The following TOR1AIP1 variants were observed in gnomAD, a reference collection of about 807,000 sequenced individuals.
The protein encoded by TOR1AIP1 is torsin-1A-interacting protein 1.
TOR1AIP1 carries 54 observed loss-of-function variants against 63.3 expected under a neutral mutation model. The ratio of observed to expected loss-of-function variants is 0.85; its 90% CI spans 0.69 to 1.07. The LOEUF (loss-of-function observed/expected upper bound fraction) is 1.07. Ranked by LOEUF, TOR1AIP1 falls within the 50% of genes least tolerant of loss-of-function variation. The probability of loss-of-function intolerance (pLI) is 0.00; values close to 1 mark genes in which losing one functional copy is unlikely to be tolerated. For synonymous variants in TOR1AIP1, 294 were observed against 273.5 expected (o/e 1.07, Z -0.74); for missense variants, 736 against 715.0 (o/e 1.03, Z -0.33).
At position 179,918,251 on chromosome 1, in the gene TOR1AIP1, G is replaced by C; in HGVS notation, c.*12G>C. On this transcript the variant is annotated 3_prime_UTR_variant, in exon 10 of 10. Transcript: ENST00000606911. Reference sequence around the variant, plus strand: ...GCATCTGCTTATAAGAAGTGAGAGAGAAGAAAAATCATGTCCCAAGTTCTG... The same window carrying C: ...GCATCTGCTTATAAGAAGTGAGAGACAAGAAAAATCATGTCCCAAGTTCTG... 1 of 1,562,372 alleles carries C rather than the reference G, an allele frequency of 6.4e-7. No individual in the cohort carries two copies. Among genetic ancestry groups the C allele is most frequent in the Non-Finnish European group, 8.6e-7 (1 of 1,164,760 alleles).
chr1:179,902,019 CTTT>C (rs767712125), intron 5 of TOR1AIP1, among the ~76,000 whole-genome samples: 5 of 98,780 alleles, frequency 5.1e-5, no homozygotes, highest in Non-Finnish European at 6.0e-5. Flanking sequence ...AATTCCAATT[CTTT>C]TTTTTTTTTT....
intron 8 of TOR1AIP1, among the ~76,000 whole-genome samples, chr1:179,911,975 CTTTTTTTCTTTT>C (rs774996586): frequency 0.13 from 17,976 of 140,872 alleles, 1,163 homozygotes; most frequent in Middle Eastern, 0.19. Context: ...TTTTCTTTTT[CTTTTTTTCTTTT>C]TTTTTTTCTT....
Position 179,917,728 on chromosome 1 carries a change from C to G in TOR1AIP1, c.1241C>G (p.Ala414Gly), listed in dbSNP as rs757678339. ...CAGCCTGCTATCTTACTGCTCACTG[C>G]TGCCCGAGATGCTGAAGAAGCACTT... Reference protein sequence around the residue: ...RSQPAILLLTAARDAEEALRC... With the variant: ...RSQPAILLLTGARDAEEALRC... The change falls in exon 10 of 10, where the codon GCT (alanine) becomes GGT (glycine). Residue 414 changes from alanine to glycine, a missense_variant. Ala to Gly is a moderately conservative substitution (Grantham distance 60, BLOSUM62 0). This residue lies in a region of TOR1AIP1 where 272 missense variants were observed against 344.1 expected (regional missense o/e 0.79). Coordinates refer to ENST00000606911, the MANE Select transcript of TOR1AIP1 (RefSeq NM_015602.4). 6.2e-7 allele frequency: 1 copy of G among 1,614,228 alleles called. No individual in the cohort carries two copies. The highest frequency in any genetic ancestry group is 8.5e-7 in the Non-Finnish European group (1 of 1,180,050).
chr1:179,913,193 T>G (rs1318683473), intron 8 of TOR1AIP1, among the ~76,000 whole-genome samples: 1 of 151,638 alleles, frequency 6.6e-6, no homozygotes, highest in Non-Finnish European at 1.5e-5. Flanking sequence ...TAAACTCCTG[T>G]GCTCAAGCTG....
chr1:179,893,543 C>T (rs1415899706), intron 3 of TOR1AIP1, among the ~76,000 whole-genome samples: 11 of 152,208 alleles, frequency 7.2e-5, no homozygotes, highest in East Asian at 5.8e-4. Flanking sequence ...CAGGCTTAAG[C>T]GATTCTCCTG....
intron 8 of TOR1AIP1, among the ~76,000 whole-genome samples, chr1:179,909,242 C>T (rs998027966): frequency 6.6e-6 from 1 of 152,078 alleles, no homozygotes; most frequent in African/African-American, 2.4e-5. Flanking sequence ...AGTCTGTATA[C>T]AATAATGAAA....
intron 6 of TOR1AIP1, among the ~76,000 whole-genome samples, chr1:179,907,593 T>TTATATATATATATATATATA (rs55752745): frequency 0.012 from 758 of 62,618 alleles, 9 homozygotes; most frequent in South Asian, 0.017. Flanking sequence ...CACACACACT[T>TTATATATATATATATATATA]TATATATATA....
intron 3 of TOR1AIP1, among the ~76,000 whole-genome samples, chr1:179,897,438 A>C (rs990425032): frequency 6.6e-6 from 1 of 152,226 alleles, no homozygotes; most frequent in Admixed American, 6.5e-5. Flanking sequence ...TGGAACTTCA[A>C]ATGTGTACAG....
intron 2 of TOR1AIP1, among the ~76,000 whole-genome samples, chr1:179,887,359 A>G (rs1405569563): frequency 6.6e-6 from 1 of 152,176 alleles, no homozygotes; most frequent in Non-Finnish European, 1.5e-5. Context: ...AGATCATGCC[A>G]CTGCACTCCA....
intron 8 of TOR1AIP1, among the ~76,000 whole-genome samples, chr1:179,910,462 A>G (rs1648798125): frequency 6.6e-6 from 1 of 152,186 alleles, no homozygotes; most frequent in Admixed American, 6.5e-5. Context: ...TTTAGCCCAC[A>G]TGTAAGTGAG....
chr1:179,894,330 T>A (rs538522637), intron 3 of TOR1AIP1, among the ~76,000 whole-genome samples: 2 of 151,816 alleles, frequency 1.3e-5, no homozygotes, highest in Non-Finnish European at 2.9e-5. Context: ...TCAGGAGTTA[T>A]ATACTTGCTC....
At position 179,882,494 on chromosome 1, in the gene TOR1AIP1, T is replaced by A. The variant is rs761130343; in HGVS notation, c.-9T>A. The A allele has an allele frequency of 2.7e-6, 4 of 1,455,808 alleles. No individual in the cohort carries two copies. In the South Asian group the frequency reaches 6.0e-5, roughly 22 times the overall value. 90.2% of individuals were successfully genotyped at this position (1,455,808 alleles called of 1,614,324 possible). ...ATCTTCGCGATCGACTAAAGCTACG[T>A]CAACAACTATGGCGGGCGACGGGCG... On this transcript the variant is annotated 5_prime_UTR_variant, in exon 1 of 10. Transcript: ENST00000606911.
At chr1:179,915,376 A>G (rs1648960306) in intron 9 of TOR1AIP1, among the ~76,000 whole-genome samples, 2 of 152,232 alleles carry the variant, frequency 1.3e-5, no homozygotes, top group Non-Finnish European at 2.9e-5. Flanking sequence ...TCACTGAGGA[A>G]TGCAGATTTT....
Position 179,900,126 on chromosome 1 carries a change from A to G in TOR1AIP1, c.611A>G (p.Glu204Gly). 1 of 1,605,134 alleles carries G rather than the reference A, an allele frequency of 6.2e-7. No individual in the cohort carries two copies. The highest frequency in any genetic ancestry group is 1.1e-5 in the South Asian group (1 of 90,402). Residue 204 changes from glutamate (E) to glycine (G), a missense_variant and splice_region_variant, in exon 4 of 10, where the codon GAA becomes GGA. Glu to Gly is a moderately conservative substitution (Grantham distance 98). This residue lies in a region of TOR1AIP1 where 464 missense variants were observed against 371.0 expected (regional missense o/e 1.25). Transcript: ENST00000606911. ...RRPPLRYPRY[E>G]ATSVQQKVNF... is the part of the protein sequence containing the mutation. ...TTTGATGTATGCTTTTTTCTTCTAGAAGCCACCAGTGTCCAACAGAAGGTC... is the reference window on the plus strand; with the variant it reads ...TTTGATGTATGCTTTTTTCTTCTAGGAGCCACCAGTGTCCAACAGAAGGTC...
chr1:179,900,113 T>G lies in TOR1AIP1; in HGVS notation c.611-13T>G. ...TATATGTTTAATATTTGATGTATGC[T>G]TTTTTCTTCTAGAAGCCACCAGTGT... On this transcript the variant is annotated splice_polypyrimidine_tract_variant and intron_variant, in intron 3 of 9. Coordinates refer to ENST00000606911, the MANE Select transcript of TOR1AIP1 (RefSeq NM_015602.4). 1 of 1,600,778 alleles carries G rather than the reference T, an allele frequency of 6.2e-7. No homozygotes were observed. Among genetic ancestry groups the G allele is most frequent in the Non-Finnish European group, 8.5e-7 (1 of 1,171,380 alleles).
chr1:179,912,960 G>A (rs3845388), intron 8 of TOR1AIP1, among the ~76,000 whole-genome samples: 18,985 of 151,942 alleles, frequency 0.12, 1,228 homozygotes, highest in Middle Eastern at 0.2. Flanking sequence ...AGTGATAGAC[G>A]GCAATACTGG....
intron 3 of TOR1AIP1, among the ~76,000 whole-genome samples, chr1:179,895,010 TAAAC>T (rs1648219276): frequency 6.6e-6 from 1 of 152,188 alleles, no homozygotes; most frequent in South Asian, 2.1e-4. Flanking sequence ...TAAAAGAAAG[TAAAC>T]AAAGTGGCAC....
chr1:179,883,371 T>C (rs1056708031), intron 1 of TOR1AIP1, among the ~76,000 whole-genome samples: 1 of 152,206 alleles, frequency 6.6e-6, no homozygotes, highest in Non-Finnish European at 1.5e-5. Flanking sequence ...TTCCATTTCC[T>C]TCTTTAACGC....
chr1:179,918,418 G>T lies in TOR1AIP1; in HGVS notation c.*179G>T. The T allele has an allele frequency of 1.6e-6, 1 of 627,494 alleles. No homozygotes were observed. Among genetic ancestry groups the T allele is most frequent in the Non-Finnish European group, 2.7e-6 (1 of 373,554 alleles). The allele number at this position is 627,494 out of a possible 1,614,324, so 38.9% of individuals were successfully genotyped here. A position where few individuals can be genotyped will look rare whatever the true frequency, so the allele number is the denominator to read the frequency against. On this transcript the variant is annotated 3_prime_UTR_variant, in exon 10 of 10. Transcript: ENST00000606911. ...CAACCTAATTATCTGTGATATGAGAGAATCATTTCAGTTTCCATTGAGAGC... is the reference window on the plus strand; with the variant it reads ...CAACCTAATTATCTGTGATATGAGATAATCATTTCAGTTTCCATTGAGAGC...
Sources: gnomAD v4.1 joint callset for allele counts (sites outside exome capture counted in the v4.1 genomes callset) on GRCh38, gnomAD v4.1.1 for gene constraint, gnomAD v4.1.1 regional missense constraint, MANE v1.5 for transcripts, NCBI Gene and HGNC (gene_info 2026-07-23, HGNC 2026-07-21) for gene names.